Variants in HDGFL3 observed in about 807,000 individuals in gnomAD.
The protein encoded by HDGFL3 is hepatoma-derived growth factor-related protein 3.
Under a neutral mutation model 27.6 loss-of-function variants are expected in HDGFL3, and 6 were observed. The ratio of observed to expected loss-of-function variants is 0.22; its 90% confidence interval spans 0.12 to 0.43. The LOEUF (loss-of-function observed/expected upper bound fraction) is 0.43. Among genes scored for constraint, HDGFL3 ranks in the 20% least tolerant of loss-of-function variants. The pLI, the probability that HDGFL3 is intolerant of heterozygous loss-of-function variation, is 1.00. For synonymous variants in HDGFL3, 88 were observed against 88.9 expected (o/e 0.99, Z 0.05); for missense variants, 207 against 250.1 (o/e 0.83, Z 1.16).
chr15:83,118,232 C>A (rs1567138853), intron 3 of HDGFL3, among the ~76,000 whole-genome samples: 2 of 60,334 alleles, frequency 3.3e-5, no homozygotes, highest in East Asian at 2.7e-4. Flanking sequence ...TCTGTACGTA[C>A]ACACACACAC....
At chr15:83,122,671 ATGACC>A in intron 3 of HDGFL3, 1 of 1,488,390 alleles carries the variant, frequency 6.7e-7, no homozygotes, top group Non-Finnish European at 9.1e-7. Flanking sequence ...AAAATTTTAG[ATGACC>A]TGAGATGGGG....
exon 4 of HDGFL3, chr15:83,114,915 T>C (rs1007364324): frequency 2.6e-5 from 4 of 152,248 alleles, no homozygotes; most frequent in African/African-American, 9.6e-5. Flanking sequence ...CTGACAGGTA[T>C]AGCTTTCCTT....
chr15:83,115,283 A>C (rs901664615), exon 4 of HDGFL3: 4 of 218,482 alleles, frequency 1.8e-5, no homozygotes, highest in Non-Finnish European at 2.8e-5. Flanking sequence ...ACACCCAGAA[A>C]ATTTTTGTAT....
chr15:83,114,203 T>C (rs956124676), exon 4 of HDGFL3: 2 of 152,898 alleles, frequency 1.3e-5, no homozygotes, highest in Admixed American at 1.3e-4. Flanking sequence ...TTAACTGTAC[T>C]GATGTCTCTC....
In HDGFL3 at chr15:83,207,011, T is replaced by C. The variant is rs1265372284; in HGVS notation, c.84+320A>G. Among the ~76,000 whole-genome samples, 1 of 152,164 alleles carries C rather than the reference T, an allele frequency of 6.6e-6. No individual in the cohort carries two copies. On this transcript the variant is annotated intron_variant, in intron 1 of 5. Transcript: ENST00000299633. This position sits in a 1 kb window ranked among gnomAD's most constrained non-coding sequence, Gnocchi z 4.8. The stretch of plus-strand genomic sequence containing the variant: ...ACCCTGCCCGGAGCCGAAGCCTCCG[T>C]CGCAGGCCCGCTGCCCGGCGGCGTG...
intron 5 of HDGFL3, among the ~76,000 whole-genome samples, chr15:83,147,554 C>T (rs1302511601): frequency 6.6e-6 from 1 of 152,054 alleles, no homozygotes; most frequent in African/African-American, 2.4e-5. Flanking sequence ...TCAATTAGCC[C>T]TACATGATAT....
At chr15:83,127,229 A>G (rs1033677264), downstream of HDGFL3, 18 of 922,206 alleles carry the variant, frequency 2.0e-5, no homozygotes, top group South Asian at 5.6e-4. Flanking sequence ...GTAAAAAAAA[A>G]AAAAGAGTCC....
At chr15:83,122,085 T>C in intron 3 of HDGFL3, 1 of 1,097,018 alleles carries the variant, frequency 9.1e-7, no homozygotes, top group South Asian at 1.4e-5. Context: ...CTTTTAGTTA[T>C]AATAGAACCA....
intron 5 of HDGFL3, among the ~76,000 whole-genome samples, chr15:83,147,763 A>G (rs1438576944): frequency 6.6e-6 from 1 of 152,236 alleles, no homozygotes; most frequent in Non-Finnish European, 1.5e-5. Context: ...CCATAAAAGG[A>G]AAGTCTGATA....
At chr15:83,203,566 T>G (rs2037678169) in intron 1 of HDGFL3, among the ~76,000 whole-genome samples, 1 of 151,972 alleles carries the variant, frequency 6.6e-6, no homozygotes, top group Non-Finnish European at 1.5e-5. Context: ...ACAAGGTAAA[T>G]GTCTAAGCTG....
intron 1 of HDGFL3, among the ~76,000 whole-genome samples, chr15:83,181,958 TA>T (rs2151416570): frequency 6.6e-6 from 1 of 152,362 alleles, no homozygotes; most frequent in East Asian, 1.9e-4. Context: ...AGGTAAAACT[TA>T]AATGCAGTAA....
chr15:83,201,917 C>T (rs1021695846), intron 1 of HDGFL3, among the ~76,000 whole-genome samples: 23 of 152,070 alleles, frequency 1.5e-4, no homozygotes, highest in African/African-American at 5.6e-4. Flanking sequence ...TGAGCTTGTG[C>T]CAGGACTGAA....
At chr15:83,179,167 C>A (rs1384869170) in intron 1 of HDGFL3, 1 of 152,308 alleles carries the variant, frequency 6.6e-6, no homozygotes, top group African/African-American at 2.4e-5. Flanking sequence ...AAACCTGCCT[C>A]CCACTGCCCC....
rs112701603 is a variant in HDGFL3 at position 83,180,500 on chromosome 15, G to A, written c.85-16425C>T. On this transcript the variant is annotated intron_variant, in intron 1 of 5. Transcript: ENST00000299633. ...TGTTATAAAAATGGATTTGGATAAA[G>A]AGAAGTCTGCAAATCAGTCAACAAA... is the stretch of plus-strand genomic sequence containing the variant. Among the ~76,000 whole-genome samples, 280 of 152,120 alleles carry A rather than the reference G, an allele frequency of 1.8e-3. 2 individuals are homozygous for A. The highest frequency in any genetic ancestry group is 6.5e-3 in the African/African-American group (268 of 41,494).
chr15:83,160,147 T>C (rs893698642), intron 2 of HDGFL3, among the ~76,000 whole-genome samples: 2 of 151,908 alleles, frequency 1.3e-5, no homozygotes, highest in African/African-American at 4.8e-5. Flanking sequence ...GGGCTGCATA[T>C]GGCATATGTG....
At chr15:83,147,600 T>C (rs1185654298) in intron 5 of HDGFL3, among the ~76,000 whole-genome samples, 1 of 151,914 alleles carries the variant, frequency 6.6e-6, no homozygotes, top group Non-Finnish European at 1.5e-5. Context: ...ATTAAGAGAG[T>C]GTGGTATTGA....
At position 83,169,414 on chromosome 15, in the gene HDGFL3, C is replaced by CAAAAAAAAAAAAAAAA; in HGVS notation, c.85-5355_85-5340dup. Among the ~76,000 whole-genome samples the CAAAAAAAAAAAAAAAA allele has an allele frequency of 1.5e-3, 53 of 35,586 alleles. 1 individual carries two copies. Among genetic ancestry groups the CAAAAAAAAAAAAAAAA allele is most frequent in the Non-Finnish European group, 2.0e-3 (37 of 18,570 alleles). The allele number at this position is 35,586 out of a possible 152,430, so 23.3% of individuals were successfully genotyped here. ...TGGGCGACAGAGCGAGACTCCGTCTCAAAAAAAAAAAAAAAAAAAAAAAAA... is the reference window on the plus strand; with the variant it reads ...TGGGCGACAGAGCGAGACTCCGTCTCAAAAAAAAAAAAAAAAAAAAAAAAAAAAAAAAAAAAAAAAA... On this transcript the variant is annotated intron_variant, in intron 1 of 5. Transcript: ENST00000299633.
chr15:83,192,474 T>C (rs915587730), intron 1 of HDGFL3, among the ~76,000 whole-genome samples: 1 of 152,196 alleles, frequency 6.6e-6, no homozygotes, highest in Non-Finnish European at 1.5e-5. Context: ...GAAGCTAACA[T>C]TAATTTTTGA....
In HDGFL3 at chr15:83,135,931, T is replaced by C. The variant is rs892199078; in HGVS notation, c.*3339A>G. ...AATAAATGAATAAACAAAAAACACA[T>C]AGGGAAAGGGTATGAGCTCTTGCTG... On this transcript the variant is annotated 3_prime_UTR_variant, in exon 6 of 6. Transcript: ENST00000299633. The C allele has an allele frequency of 2.6e-5, 4 of 151,900 alleles. No individual in the cohort carries two copies. Among genetic ancestry groups the C allele is most frequent in the Non-Finnish European group, 2.9e-5 (2 of 67,984 alleles). 9.4% of individuals were successfully genotyped at this position (151,900 alleles called of 1,614,324 possible).
Sources: allele counts gnomAD v4.1 joint callset (sites outside exome capture counted in the v4.1 genomes callset), GRCh38; gene constraint gnomAD v4.1.1; non-coding constraint Gnocchi (gnomAD v3.1); transcripts MANE v1.5; gene names NCBI Gene and HGNC (gene_info 2026-07-23, HGNC 2026-07-21).